Variants in SLC35D4 observed in about 807,000 individuals in gnomAD.
SLC35D4 encodes the protein solute carrier family 35 member D4.
chr18:23,354,788 T>G, the SLC35D4 span, among the ~76,000 whole-genome samples: 1 of 152,224 alleles, frequency 6.6e-6, no homozygotes. Flanking sequence ...TCGTGCAGGT[T>G]TGTGACTGAC....
chr18:23,280,141 A>G, the SLC35D4 span, among the ~76,000 whole-genome samples: 1 of 152,392 alleles, frequency 6.6e-6, no homozygotes, highest in South Asian at 2.1e-4. Context: ...GCCATGCACC[A>G]GACCCTGCAC....
chr18:23,266,456 C>T, the SLC35D4 span, among the ~76,000 whole-genome samples: 2 of 150,626 alleles, frequency 1.3e-5, no homozygotes, highest in African/African-American at 4.9e-5. Flanking sequence ...GAGATTGGAG[C>T]ACAGATAGGT....
At chr18:23,285,036 C>A in the SLC35D4 span, among the ~76,000 whole-genome samples, 2 of 152,328 alleles carry the variant, frequency 1.3e-5, no homozygotes, top group African/African-American at 4.8e-5. Context: ...CTAAGCTAAG[C>A]CATCATATCC....
chr18:23,372,829 T>C, the SLC35D4 span, among the ~76,000 whole-genome samples: 1 of 152,026 alleles, frequency 6.6e-6, no homozygotes, highest in African/African-American at 2.4e-5. Flanking sequence ...AGATTAATTT[T>C]CCTCTTTGTG....
the SLC35D4 span, among the ~76,000 whole-genome samples, chr18:23,375,743 T>C: frequency 6.6e-6 from 1 of 152,250 alleles, no homozygotes; most frequent in Non-Finnish European, 1.5e-5. Context: ...TACTTTGATA[T>C]GTCTTTAGAA....
At chr18:23,401,271 C>G in the SLC35D4 span, among the ~76,000 whole-genome samples, 2 of 152,164 alleles carry the variant, frequency 1.3e-5, no homozygotes, top group Non-Finnish European at 2.9e-5. Context: ...GGCTCCAAAG[C>G]CCTAGCTGTT....
At chr18:23,370,214 A>C in the SLC35D4 span, 1 of 1,599,234 alleles carries the variant, frequency 6.3e-7, no homozygotes, top group Non-Finnish European at 8.5e-7. Context: ...AAAAGAGTTT[A>C]CCTTAATGCA....
chr18:23,351,382 G>A, the SLC35D4 span, among the ~76,000 whole-genome samples: 1 of 151,910 alleles, frequency 6.6e-6, no homozygotes, highest in Non-Finnish European at 1.5e-5. Context: ...ACTCCAGTCT[G>A]GGCAACAGAG....
chr18:23,254,872 TG>T, the SLC35D4 span, among the ~76,000 whole-genome samples: 1 of 152,076 alleles, frequency 6.6e-6, no homozygotes, highest in African/African-American at 2.4e-5. Flanking sequence ...CATACGAATT[TG>T]GGGGGACACA....
chr18:23,293,118 C>A, the SLC35D4 span, among the ~76,000 whole-genome samples: 1 of 152,172 alleles, frequency 6.6e-6, no homozygotes, highest in Non-Finnish European at 1.5e-5. Flanking sequence ...GTGGTGCATG[C>A]CTGTAATCCC....
At chr18:23,343,413 G>T in the SLC35D4 span, among the ~76,000 whole-genome samples, 1,100 of 151,994 alleles carry the variant, frequency 7.2e-3, 2 homozygotes, top group Non-Finnish European at 0.012. Flanking sequence ...GGCTAATTTT[G>T]TATTTTTAGT....
the SLC35D4 span, among the ~76,000 whole-genome samples, chr18:23,286,561 A>G: frequency 6.6e-6 from 1 of 151,392 alleles, no homozygotes; most frequent in East Asian, 1.9e-4. Flanking sequence ...AGCCCCGTAG[A>G]CCATCACGGA....
the SLC35D4 span, chr18:23,377,664 G>C: frequency 4.4e-6 from 7 of 1,576,070 alleles, no homozygotes; most frequent in Non-Finnish European, 6.0e-6. Flanking sequence ...CTTTGCAGGA[G>C]ATGTTTTCTG....
At chr18:23,294,498 A>T in the SLC35D4 span, among the ~76,000 whole-genome samples, 1 of 152,192 alleles carries the variant, frequency 6.6e-6, no homozygotes, top group African/African-American at 2.4e-5. Context: ...TACTGACAAA[A>T]CACCTTATCC....
the SLC35D4 span, among the ~76,000 whole-genome samples, chr18:23,386,876 G>A: frequency 6.6e-6 from 1 of 152,126 alleles, no homozygotes; most frequent in African/African-American, 2.4e-5. Context: ...GGTGAGGGGG[G>A]AGAATGAGGA....
At chr18:23,359,323 G>A in the SLC35D4 span, among the ~76,000 whole-genome samples, 1 of 150,430 alleles carries the variant, frequency 6.6e-6, no homozygotes, top group African/African-American at 2.5e-5. Flanking sequence ...GGCAGAGGTT[G>A]CAGTAAGCCG....
chr18:23,407,721 A>G, the SLC35D4 span, among the ~76,000 whole-genome samples: 1 of 152,230 alleles, frequency 6.6e-6, no homozygotes. Flanking sequence ...AGCAATTTTT[A>G]AAAGTTATAT....
the SLC35D4 span, among the ~76,000 whole-genome samples, chr18:23,271,341 A>T: frequency 1.3e-5 from 2 of 152,128 alleles, no homozygotes; most frequent in Non-Finnish European, 2.9e-5. Flanking sequence ...ATTTTTTCAT[A>T]GTAGTATGAA....
chr18:23,399,839 A>G, the SLC35D4 span, among the ~76,000 whole-genome samples: 1 of 152,226 alleles, frequency 6.6e-6, no homozygotes, highest in Non-Finnish European at 1.5e-5. Context: ...TCCTACCTAC[A>G]ATCCCATCAT....
Sources: gnomAD v4.1 joint callset for allele counts (sites outside exome capture counted in the v4.1 genomes callset) on GRCh38, gnomAD v4.1.1 for gene constraint, MANE v1.5 for transcripts, NCBI Gene and HGNC (gene_info 2026-07-23, HGNC 2026-07-21) for gene names.